Variants in BRAT1 observed in about 807,000 individuals in gnomAD.
The protein encoded by BRAT1 is BRCA1 associated ATM activator 1.
A neutral mutation model predicts 70.6 loss-of-function variants in BRAT1; 74 were observed. That is an observed-to-expected ratio of 1.05 (90% CI 0.87 to 1.27). The LOEUF is 1.27. BRAT1 is among the 50% of genes most tolerant of loss of function. The probability of loss-of-function intolerance (pLI) is 0.00; values close to 1 mark genes in which losing one functional copy is unlikely to be tolerated. For missense variants in BRAT1, 1,203 were observed against 1,098.2 expected (o/e 1.10, Z -1.35); for synonymous variants, 615 against 517.1 (o/e 1.19, Z -2.57).
intron 11 of BRAT1, 60 bp from the exon 12 acceptor site, chr7:2,539,702 G>A (rs972272299): frequency 1.5e-5 from 24 of 1,548,926 alleles, no homozygotes; most frequent in Non-Finnish European, 1.9e-5. Context: ...TGCCCTCAGA[G>A]CCAGCTGAGC....
chr7:2,541,203 CAG>C, intron 9 of BRAT1, 93 bp downstream of exon 9: 4 of 1,394,702 alleles, frequency 2.9e-6, no homozygotes, highest in Non-Finnish European at 2.9e-6. Context: ...AGAGAAGAAA[CAG>C]AGAGGGACAG....
rs775959059 is a variant in BRAT1, at chr7:2,543,172, C to T, written c.923+32G>A. The T allele has an allele frequency of 8.8e-5, 134 of 1,528,944 alleles. No homozygotes were observed. The highest frequency in any genetic ancestry group is 1.1e-4 in the Non-Finnish European group (124 of 1,137,068). 94.7% of individuals were successfully genotyped at this position (1,528,944 alleles called of 1,614,324 possible). Reference sequence around the variant, plus strand: ...CCTGCCTGCCCCAGCTCCCAGCACCCGCCTCGGAATGAAATGCACCCCAGA... The same window carrying T: ...CCTGCCTGCCCCAGCTCCCAGCACCTGCCTCGGAATGAAATGCACCCCAGA... On this transcript the variant is annotated intron_variant, in intron 6 of 13. Coordinates refer to ENST00000340611, the MANE Select transcript of BRAT1 (RefSeq NM_152743.4). The surrounding 1 kb of genome is among the most constrained non-coding windows in gnomAD (Gnocchi z 5.5).
Position 2,554,391 on chromosome 7 carries a change from GCA to G in BRAT1, c.39_40del (p.Ala14CysfsTer12). ...CGGCTGCCTGGGATCTACCAGAACA[GCA>G]CAGAGAGCCGGGAGCAGCTGGGCGC... On this transcript the variant is annotated frameshift_variant, in exon 2 of 14. Transcript: ENST00000340611. LOFTEE classifies it high-confidence loss of function. 6.2e-7 allele frequency: 1 copy of G among 1,613,992 alleles called. No homozygotes were observed. Among genetic ancestry groups the G allele is most frequent in the South Asian group, 1.1e-5 (1 of 91,086 alleles).
Position 2,547,370 on chromosome 7 carries a change from A to T in BRAT1, c.236T>A (p.Leu79Gln), listed in dbSNP as rs771024050. Residue 79 changes from leucine (L) to glutamine (Q), a missense_variant, in exon 3 of 14, where the codon CTG becomes CAG. By Grantham distance (113) the Leu-to-Gln change is moderately radical. Coordinates refer to ENST00000340611, the MANE Select transcript of BRAT1 (RefSeq NM_152743.4). The stretch of plus-strand genomic sequence containing the variant: ...TTCCTGGGCTGCGAAGGTTCCTGCC[A>T]GGCGCAGTGAGAAGGAGAGGACCCC... ...SSGVLSFSLR[L>Q]AGTFAAQENC... The T allele has an allele frequency of 1.2e-6, 2 of 1,614,012 alleles. No individual in the cohort carries two copies.
At chr7:2,545,603 T>C (rs1490644451) in intron 3 of BRAT1, among the ~76,000 whole-genome samples, 1 of 151,274 alleles carries the variant, frequency 6.6e-6, no homozygotes, top group Non-Finnish European at 1.5e-5. Flanking sequence ...TATTTTCCTG[T>C]CTCAGCCTCC....
intron 1 of BRAT1, 32 bp downstream of exon 1, chr7:2,555,455 G>C (rs1481343271): frequency 6.6e-6 from 1 of 151,486 alleles, no homozygotes; most frequent in African/African-American, 2.4e-5. Context: ...CCACTACCAC[G>C]ACCTCGACCC....
chr7:2,542,254 G>C (rs771843346), intron 6 of BRAT1, 43 bp from the exon 7 acceptor site: 3 of 1,496,698 alleles, frequency 2.0e-6, no homozygotes, highest in African/African-American at 2.8e-5. Flanking sequence ...CTGGCTGCGA[G>C]ACAAGTTGGC....
In BRAT1 at chr7:2,547,385, G is replaced by A. The variant is rs1470142306; in HGVS notation, c.221C>T (p.Ser74Phe). Residue 74 changes from serine (S) to phenylalanine (F), a missense_variant, in exon 3 of 14, where the codon TCC (serine) becomes TTC (phenylalanine). Physicochemically the swap from Ser to Phe is radical, Grantham distance 155. Coordinates refer to ENST00000340611, the MANE Select transcript of BRAT1 (RefSeq NM_152743.4). ...GGTTCCTGCCAGGCGCAGTGAGAAGGAGAGGACCCCAGAACTCAGGTCCTG... is the reference window on the plus strand; with the variant it reads ...GGTTCCTGCCAGGCGCAGTGAGAAGAAGAGGACCCCAGAACTCAGGTCCTG... ...KVQDLSSGVL[S>F]FSLRLAGTFA... 6.2e-7 allele frequency: 1 copy of A among 1,614,154 alleles called. No individual in the cohort carries two copies. Among genetic ancestry groups the A allele is most frequent in the Non-Finnish European group, 8.5e-7 (1 of 1,180,036 alleles).
rs764013096 is a variant in BRAT1, at chr7:2,538,724, G to A, written c.1811C>T (p.Ser604Leu). Reference sequence around the variant, plus strand: ...GACCGCCCGCCGTGGGAAGCCCTCCGAGTCTACGGAGAGGATGTGCAGGAG... The same window carrying A: ...GACCGCCCGCCGTGGGAAGCCCTCCAAGTCTACGGAGAGGATGTGCAGGAG... ...LELLHILSVDSEGFPRRAVMQ... is the reference protein window; with the variant it reads ...LELLHILSVDLEGFPRRAVMQ... The change falls in exon 14 of 14, where the codon TCG becomes TTG. Residue 604 changes from serine to leucine, a missense_variant. Coordinates refer to ENST00000340611, the MANE Select transcript of BRAT1 (RefSeq NM_152743.4). 13 of 1,598,442 alleles carry A rather than the reference G, an allele frequency of 8.1e-6. No individual in the cohort carries two copies. In the East Asian group the frequency reaches 8.9e-5, roughly 11 times the overall value.
At chr7:2,549,570 A>C (rs1779850163) in intron 2 of BRAT1, among the ~76,000 whole-genome samples, 1 of 152,210 alleles carries the variant, frequency 6.6e-6, no homozygotes, top group Non-Finnish European at 1.5e-5. Flanking sequence ...GCAGAAAAGG[A>C]GGATAAAGGC....
At chr7:2,541,136 C>T in intron 9 of BRAT1, 84 bp from the exon 10 acceptor site, 4 of 1,456,444 alleles carry the variant, frequency 2.7e-6, no homozygotes, top group Non-Finnish European at 3.6e-6. Context: ...CAGAACAAGG[C>T]CTCATCCGCC....
chr7:2,538,992 C>A, intron 13 of BRAT1, 187 bp downstream of exon 13: 1 of 1,437,662 alleles, frequency 7.0e-7, no homozygotes, highest in East Asian at 2.5e-5. Flanking sequence ...GCTGGGGAGA[C>A]AGAAGGCGAA....
At chr7:2,547,533 CT>C in intron 2 of BRAT1, 55 bp from the exon 3 acceptor site, 3 of 1,577,534 alleles carry the variant, frequency 1.9e-6, no homozygotes, top group Non-Finnish European at 2.6e-6. Context: ...AGGTGTCCCC[CT>C]GGATGACCGC....
In BRAT1 at chr7:2,544,569, C is replaced by T. The variant is rs180980098; in HGVS notation, c.430+340G>A. Among the ~76,000 whole-genome samples the T allele has an allele frequency of 8.1e-3, 1,237 of 152,286 alleles. 7 individuals carry two copies. Among genetic ancestry groups the T allele is most frequent in the Non-Finnish European group, 0.014 (981 of 68,018 alleles). On this transcript the variant is annotated intron_variant, in intron 4 of 13. Coordinates refer to ENST00000340611, the MANE Select transcript of BRAT1 (RefSeq NM_152743.4). ...AAGTTGGAGTGCAGTGGCTCAACCACTGCTCACTGTAGCCTCGAACCCCTG... is the reference window on the plus strand; with the variant it reads ...AAGTTGGAGTGCAGTGGCTCAACCATTGCTCACTGTAGCCTCGAACCCCTG...
In BRAT1 at chr7:2,553,532, T is replaced by C. The variant is rs574002330; in HGVS notation, c.127+773A>G. ...TTTACAGTATGACCTCATTTTTTTT[T>C]CCCCAGAAAAATACAGCTTTATGTG... On this transcript the variant is annotated intron_variant, in intron 2 of 13. Coordinates refer to ENST00000340611, the MANE Select transcript of BRAT1 (RefSeq NM_152743.4). Among the ~76,000 whole-genome samples, 41 of 151,988 alleles carry C rather than the reference T, an allele frequency of 2.7e-4. 1 individual carries two copies. The East Asian group carries it at 6.0e-3, about 22-fold the overall frequency.
At chr7:2,548,030 G>A (rs117912207) in intron 2 of BRAT1, among the ~76,000 whole-genome samples, 82 of 148,734 alleles carry the variant, frequency 5.5e-4, no homozygotes, top group Middle Eastern at 3.5e-3. Flanking sequence ...GCTGCAGTGA[G>A]CCAAGACCAC....
rs1779695341 is a variant in BRAT1 at position 2,547,419 on chromosome 7, G to A, written c.187C>T (p.Leu63=). The change falls in exon 3 of 14, where the codon CTG becomes TTG. Residue 63 remains leucine (L), a synonymous_variant. Transcript: ENST00000340611. ...PCLVELLSHV[L]KVQDLSSGVL... ...CCAGAACTCAGGTCCTGGACTTTCA[G>A]CACATGGGACAGCAGCTCCACCAGG... The A allele has an allele frequency of 6.2e-7, 1 of 1,614,136 alleles. No homozygotes were observed. The highest frequency in any genetic ancestry group is 8.5e-7 in the Non-Finnish European group (1 of 1,180,032).
rs927890052 is a variant in BRAT1 at position 2,543,702 on chromosome 7, G to A, written c.691C>T (p.Pro231Ser). The change falls in exon 5 of 14, where the codon CCC becomes TCC. Residue 231 changes from proline to serine, a missense_variant. By Grantham distance (74) the Pro-to-Ser change is moderately conservative. Transcript: ENST00000340611. The surrounding 1 kb of genome is among the most constrained non-coding windows in gnomAD (Gnocchi z 5.5). ...LTTTFGRCQS[P>S]WTEALWVRLS... ...CGCACCCACAGGGCTTCCGTCCAGG[G>A]GCTCTGGCAGCGCCCGAAGGTCGTG... The A allele has an allele frequency of 7.6e-6, 12 of 1,578,242 alleles. No homozygotes were observed. Among genetic ancestry groups the A allele is most frequent in the Non-Finnish European group, 1.0e-5 (12 of 1,156,282 alleles).
chr7:2,548,644 C>T (rs918311251), intron 2 of BRAT1, among the ~76,000 whole-genome samples: 21 of 146,276 alleles, frequency 1.4e-4, no homozygotes, highest in African/African-American at 3.3e-4. Context: ...CCAGCCTGGG[C>T]GACAGAGGGA....
Sources: gnomAD v4.1 joint callset for allele counts (sites outside exome capture counted in the v4.1 genomes callset) on GRCh38, gnomAD v4.1.1 for gene constraint, Gnocchi (gnomAD v3.1) non-coding constraint, MANE v1.5 for transcripts, NCBI Gene and HGNC (gene_info 2026-07-23, HGNC 2026-07-21) for gene names.